Variants in ARFGEF3 observed in about 807,000 individuals in gnomAD.
ARFGEF3 encodes ARFGEF family member 3.
In ARFGEF3, 96 loss-of-function variants were observed where a neutral mutation model predicts 221.7. The observed-to-expected ratio is 0.43, with a 90% CI of 0.37 to 0.51. The LOEUF (loss-of-function observed/expected upper bound fraction) is 0.51. ARFGEF3 is among the 20% of genes least tolerant of loss of function. ARFGEF3 has a pLI of 0.00. For missense variants in ARFGEF3, 2,410 were observed against 2,789.9 expected (o/e 0.86, Z 3.07); for synonymous variants, 1,145 against 1,126.8 (o/e 1.02, Z -0.32).
intron 1 of ARFGEF3, among the ~76,000 whole-genome samples, chr6:138,165,168 G>T (rs1399867055): frequency 2.6e-5 from 4 of 151,406 alleles, no homozygotes; most frequent in Admixed American, 6.6e-5. Context: ...ACCCTCATGA[G>T]AGAGAGAGGG....
intron 12 of ARFGEF3, among the ~76,000 whole-genome samples, chr6:138,269,340 A>G (rs1778953999): frequency 6.6e-6 from 1 of 152,266 alleles, no homozygotes; most frequent in Non-Finnish European, 1.5e-5. Flanking sequence ...TGCCGTTACC[A>G]GCCTCAGTTT....
rs1439884040 is a variant in ARFGEF3 at position 138,340,761 on chromosome 6, C to T, written c.*4275C>T. On this transcript the variant is annotated 3_prime_UTR_variant, in exon 34 of 34. Transcript: ENST00000251691. ...GTTGCAAAAGAGGTGTTTCTGAATT[C>T]AAGGGCCATACTCTCTCTCTGACAA... The T allele has an allele frequency of 6.6e-6, 1 of 152,022 alleles. No individual in the cohort carries two copies. The highest frequency in any genetic ancestry group is 1.5e-5 in the Non-Finnish European group (1 of 68,012). The allele number at this position is 152,022 out of a possible 1,614,324, so 9.4% of individuals were successfully genotyped here.
chr6:138,291,146 G>A lies in ARFGEF3; in HGVS notation c.3048-587G>A, dbSNP rs574379746. 2.0e-5 allele frequency among the ~76,000 whole-genome samples: 3 copies of A among 152,244 alleles called. No individual in the cohort carries two copies. In the South Asian group the frequency reaches 6.2e-4, roughly 32 times the overall value. On this transcript the variant is annotated intron_variant, in intron 18 of 33. Coordinates refer to ENST00000251691, the MANE Select transcript of ARFGEF3 (RefSeq NM_020340.5). This position sits in a 1 kb window ranked among gnomAD's most constrained non-coding sequence, Gnocchi z 4.5. Reference sequence around the variant, plus strand: ...AGGAGTTGGCAGTTGTAGCACATGTGGTGACCCTTCTCTGTGTCTGCCATA... The same window carrying A: ...AGGAGTTGGCAGTTGTAGCACATGTAGTGACCCTTCTCTGTGTCTGCCATA...
intron 6 of ARFGEF3, among the ~76,000 whole-genome samples, chr6:138,241,463 C>G (rs1182321779): frequency 1.3e-5 from 2 of 152,220 alleles, no homozygotes; most frequent in Non-Finnish European, 2.9e-5. Flanking sequence ...TCCTACATGC[C>G]TTCCCCCTTC....
intron 32 of ARFGEF3, among the ~76,000 whole-genome samples, chr6:138,331,811 C>T (rs1038920115): frequency 2.6e-5 from 4 of 152,256 alleles, no homozygotes; most frequent in South Asian, 2.1e-4. Flanking sequence ...CTCCTGTCAG[C>T]GTAGATGATT....
chr6:138,300,060 T>G (rs34743865), intron 22 of ARFGEF3, among the ~76,000 whole-genome samples: 11,469 of 150,610 alleles, frequency 0.076, 782 homozygotes, highest in South Asian at 0.24. Context: ...TTTAAAAAAG[T>G]CACAAAACAC....
chr6:138,240,463 T>C (rs1207648438), intron 6 of ARFGEF3, among the ~76,000 whole-genome samples: 1 of 152,202 alleles, frequency 6.6e-6, no homozygotes, highest in Admixed American at 6.5e-5. Context: ...TATCCCAGCC[T>C]TTTAGCTCAT....
intron 3 of ARFGEF3, among the ~76,000 whole-genome samples, chr6:138,208,074 T>A (rs541588469): frequency 6.6e-6 from 1 of 152,336 alleles, no homozygotes; most frequent in South Asian, 2.1e-4. Context: ...TGGTTGAGAA[T>A]TTGTTTTGAT....
intron 5 of ARFGEF3, among the ~76,000 whole-genome samples, chr6:138,232,045 C>T (rs1778202273): frequency 6.6e-6 from 1 of 152,166 alleles, no homozygotes; most frequent in Non-Finnish European, 1.5e-5. Context: ...GAAATCATTA[C>T]TAAAACTCCA....
chr6:138,296,791 T>C lies in ARFGEF3; in HGVS notation c.3503-19T>C. 1.2e-6 allele frequency: 2 copies of C among 1,610,692 alleles called. No individual in the cohort carries two copies. Among genetic ancestry groups the C allele is most frequent in the African/African-American group, 1.3e-5 (1 of 75,000 alleles). ...CTGAGTTTTGGCTTTCTGGCATTTA[T>C]GTTCTTGCCTTCCTGTAGGAGAAGT... On this transcript the variant is annotated intron_variant, in intron 20 of 33. Coordinates refer to ENST00000251691, the MANE Select transcript of ARFGEF3 (RefSeq NM_020340.5).
chr6:138,240,545 C>T (rs966030623), intron 6 of ARFGEF3, among the ~76,000 whole-genome samples: 1 of 152,138 alleles, frequency 6.6e-6, no homozygotes, highest in African/African-American at 2.4e-5. Context: ...CTGTCTGTCT[C>T]CATCCTGGGT....
In ARFGEF3 at chr6:138,307,392, C is replaced by G. The variant is rs1187780443; in HGVS notation, c.3968C>G (p.Ser1323Cys). ...AAGGAGTACCTGGTTGGTGACTACT[C>G]CATGGGTAAGAATGTTTGGATGATT... is the stretch of plus-strand genomic sequence containing the variant. ...EMKEYLVGDY[S>C]MGKGQAPVFD... Residue 1323 changes from serine to cysteine, a missense_variant, in exon 23 of 34, where the codon TCC becomes TGC. Physicochemically the swap from Ser to Cys is moderately radical, Grantham distance 112. Around this residue, in one of 5 missense-constraint regions of ARFGEF3, gnomAD observed 723 missense variants for 991.9 expected, o/e 0.73. Coordinates refer to ENST00000251691, the MANE Select transcript of ARFGEF3 (RefSeq NM_020340.5). 6.2e-7 allele frequency: 1 copy of G among 1,613,236 alleles called. No individual in the cohort carries two copies. The highest frequency in any genetic ancestry group is 8.5e-7 in the Non-Finnish European group (1 of 1,179,414).
intron 2 of ARFGEF3, among the ~76,000 whole-genome samples, chr6:138,183,093 A>C (rs958360397): frequency 6.6e-6 from 1 of 152,134 alleles, no homozygotes; most frequent in Non-Finnish European, 1.5e-5. Context: ...TGTTGGTAGG[A>C]CAGAAGCCAG....
At chr6:138,332,256 C>A (rs919678449) in intron 32 of ARFGEF3, among the ~76,000 whole-genome samples, 2 of 151,768 alleles carry the variant, frequency 1.3e-5, no homozygotes, top group African/African-American at 4.9e-5. Flanking sequence ...GGAGCATTTC[C>A]TTCAGGCAGC....
intron 4 of ARFGEF3, chr6:138,216,575 T>A (rs1187343299): frequency 2.0e-5 from 3 of 152,222 alleles, no homozygotes; most frequent in Non-Finnish European, 4.4e-5. Context: ...ATGGTTAGTT[T>A]TGATGTTCTT....
In ARFGEF3 at chr6:138,255,574, A is replaced by G. The variant is rs372494956; in HGVS notation, c.909A>G (p.Arg303=). The G allele has an allele frequency of 6.2e-7, 1 of 1,613,998 alleles. No homozygotes were observed. ...SASPGVSDHG[R]GSGCSCTAPA... is the part of the protein sequence containing the mutation. ...CTCCGGGAGTGTCTGACCACGGCCG[A>G]GGATCAGGCTGCTCCTGCACTGCGC... The change falls in exon 10 of 34, where the codon CGA becomes CGG. Residue 303 remains arginine (R), a synonymous_variant. Transcript: ENST00000251691.
At chr6:138,219,761 AATATTT>A (rs977073993) in intron 4 of ARFGEF3, among the ~76,000 whole-genome samples, 2 of 152,044 alleles carry the variant, frequency 1.3e-5, no homozygotes, top group African/African-American at 4.8e-5. Flanking sequence ...ATCAGGTCTC[AATATTT>A]ATATTTAAAT....
intron 2 of ARFGEF3, among the ~76,000 whole-genome samples, chr6:138,183,566 G>A (rs1453210867): frequency 6.6e-6 from 1 of 152,102 alleles, no homozygotes; most frequent in African/African-American, 2.4e-5. Flanking sequence ...TCAGGCAGTT[G>A]GGAAGGGGGA....
At chr6:138,303,842 CAG>C (rs1292355004) in intron 22 of ARFGEF3, among the ~76,000 whole-genome samples, 1 of 109,004 alleles carries the variant, frequency 9.2e-6, no homozygotes, top group Non-Finnish European at 1.7e-5. Context: ...AGCCTGGAGA[CAG>C]AGTGAGACTC....
Sources: gnomAD v4.1 joint callset for allele counts (sites outside exome capture counted in the v4.1 genomes callset) on GRCh38, gnomAD v4.1.1 for gene constraint, gnomAD v4.1.1 regional missense constraint, Gnocchi (gnomAD v3.1) non-coding constraint, MANE v1.5 for transcripts, NCBI Gene and HGNC (gene_info 2026-07-23, HGNC 2026-07-21) for gene names.